The following UTP20 variants were observed in gnomAD, a reference collection of about 807,000 sequenced individuals.
UTP20 encodes small subunit processome component 20 homolog.
In UTP20, 164 loss-of-function variants were observed where a neutral mutation model predicts 329.5. That is an observed-to-expected ratio of 0.50 (90% confidence interval 0.44 to 0.57). The LOEUF (loss-of-function observed/expected upper bound fraction) is 0.57. UTP20 is among the 20% of genes least tolerant of loss of function. The pLI, the probability that UTP20 is intolerant of heterozygous loss-of-function variation, is 0.00. For synonymous variants in UTP20, 1,151 were observed against 1,159.3 expected, an observed-to-expected ratio of 0.99 and a Z score of 0.14; for missense variants, 3,055 against 3,284.2, an observed-to-expected ratio of 0.93 and a Z score of 1.71.
chr12:101,328,924 T>G (rs1021392958), intron 26 of UTP20, among the ~76,000 whole-genome samples: 2 of 151,990 alleles, frequency 1.3e-5, no homozygotes, highest in Non-Finnish European at 2.9e-5. Context: ...TAACTCAGGT[T>G]TTGAGGGATA....
chr12:101,336,872 T>C (rs1265986711), intron 29 of UTP20, among the ~76,000 whole-genome samples: 7 of 152,212 alleles, frequency 4.6e-5, no homozygotes, highest in Admixed American at 4.6e-4. Flanking sequence ...TGGCAGCAAG[T>C]TACGTTGGTC....
chr12:101,350,216 G>C (rs531495898), intron 38 of UTP20, among the ~76,000 whole-genome samples: 1 of 152,228 alleles, frequency 6.6e-6, no homozygotes, highest in East Asian at 1.9e-4. Context: ...TCCCAGGCTG[G>C]AGTGCAGTGG....
At chr12:101,331,467 T>C (rs1389584366) in intron 27 of UTP20, among the ~76,000 whole-genome samples, 3 of 152,256 alleles carry the variant, frequency 2.0e-5, no homozygotes, top group Non-Finnish European at 4.4e-5. Flanking sequence ...CTACATCACC[T>C]TGTGCTTGCT....
In UTP20 at chr12:101,375,724, C is replaced by T. The variant is rs370248060; in HGVS notation, c.7364C>T (p.Thr2455Ile). The change falls in exon 56 of 62, where the codon ACC (threonine) becomes ATC (isoleucine). Residue 2455 changes from threonine to isoleucine, a missense_variant. Around this residue, in one of 3 missense-constraint regions of UTP20, gnomAD observed 273 missense variants for 363.1 expected, o/e 0.75. Transcript: ENST00000261637. ...AAGGAATGTAATATTATTCAGTTTA[C>T]CAAACCCGCTGAGACTTTGAGTAAA... ...LIKECNIIQFTKPAETLSKIW... is the reference protein window; with the variant it reads ...LIKECNIIQFIKPAETLSKIW... The T allele has an allele frequency of 1.4e-5, 22 of 1,594,582 alleles. No homozygotes were observed. The highest frequency in any genetic ancestry group is 1.9e-5 in the Non-Finnish European group (22 of 1,165,678).
Position 101,301,109 on chromosome 12 carries a change from A to G in UTP20, c.1675+1048A>G, listed in dbSNP as rs543364799. On this transcript the variant is annotated intron_variant, in intron 14 of 61. Coordinates refer to ENST00000261637, the MANE Select transcript of UTP20 (RefSeq NM_014503.3). ...AAAAAACATTTTTAGCTTGCAGTCC[A>G]TATAGAAACAGGCTGCTTACCAGAT... Among the ~76,000 whole-genome samples the G allele has an allele frequency of 7.2e-5, 11 of 152,332 alleles. No homozygotes were observed. The East Asian group carries it at 9.6e-4, about 13-fold the overall frequency.
intron 38 of UTP20, among the ~76,000 whole-genome samples, chr12:101,350,702 T>C (rs1055306423): frequency 6.6e-6 from 1 of 152,222 alleles, no homozygotes; most frequent in Non-Finnish European, 1.5e-5. Context: ...ATGCCCTGTG[T>C]AGCATGAGGC....
chr12:101,372,165 C>T (rs908398982), intron 51 of UTP20, among the ~76,000 whole-genome samples: 6 of 152,192 alleles, frequency 3.9e-5, no homozygotes, highest in Admixed American at 6.5e-5. Flanking sequence ...TCAGAAGAAA[C>T]GGTATCCCCA....
intron 22 of UTP20, among the ~76,000 whole-genome samples, chr12:101,317,873 A>G (rs1873026236): frequency 2.0e-5 from 3 of 152,190 alleles, no homozygotes; most frequent in Admixed American, 2.0e-4. Context: ...TAGCTACATA[A>G]TGTTAGATTG....
intron 25 of UTP20, among the ~76,000 whole-genome samples, chr12:101,325,757 G>T (rs11110752): frequency 6.6e-6 from 1 of 152,058 alleles, no homozygotes; most frequent in Non-Finnish European, 1.5e-5. Flanking sequence ...GAACATGAAC[G>T]CAGTGAGCCT....
At chr12:101,316,391 T>C (rs1293906748) in intron 21 of UTP20, among the ~76,000 whole-genome samples, 2 of 152,248 alleles carry the variant, frequency 1.3e-5, no homozygotes, top group Admixed American at 6.5e-5. Context: ...GTGTGGTTAA[T>C]TGAATGTTGT....
Position 101,338,068 on chromosome 12 carries a change from C to T in UTP20, c.3659C>T (p.Ala1220Val). The change falls in exon 30 of 62, where the codon GCT becomes GTT. Residue 1220 changes from alanine to valine, a missense_variant. This residue lies in a region of UTP20 where 2,445 missense variants were observed against 2,575.5 expected (regional missense o/e 0.95). Transcript: ENST00000261637. ...SRNARYFPLL[A>V]KQKPGHPECD... is the part of the protein sequence containing the mutation. ...TCTTCCAGATATTTCCCTTTGCTGGCTAAACAGAAGCCTGGGCACCCAGAA... is the reference window on the plus strand; with the variant it reads ...TCTTCCAGATATTTCCCTTTGCTGGTTAAACAGAAGCCTGGGCACCCAGAA... The T allele has an allele frequency of 6.2e-7, 1 of 1,614,104 alleles. No individual in the cohort carries two copies. The highest frequency in any genetic ancestry group is 1.1e-5 in the South Asian group (1 of 91,078).
rs1414433334 is a variant in UTP20, at chr12:101,352,106, C to A, written c.4936C>A (p.His1646Asn). 6.2e-7 allele frequency: 1 copy of A among 1,614,020 alleles called. No individual in the cohort carries two copies. Among genetic ancestry groups the A allele is most frequent in the Admixed American group, 1.7e-5 (1 of 60,004 alleles). The change falls in exon 39 of 62, where the codon CAT becomes AAT. Residue 1646 changes from histidine (H) to asparagine (N), a missense_variant. Physicochemically the swap from His to Asn is moderately conservative, Grantham distance 68 (BLOSUM62 1). Around this residue, in one of 3 missense-constraint regions of UTP20, gnomAD observed 2,445 missense variants for 2,575.5 expected, o/e 0.95. Transcript: ENST00000261637. ...ATEIIGAICK[H>N]LSWSAYMYYL... ...AGAGATTATTGGAGCCATTTGCAAA[C>A]ATCTCTCTTGGTCAGCGTATATGTA... is the stretch of plus-strand genomic sequence containing the variant.
rs772729936 is a variant in UTP20, at chr12:101,291,754, G to T, written c.904G>T (p.Asp302Tyr). ...TCTTTGTTTGCAGGAATCGCTCTTG[G>T]ATCTACACACAAAAGTAACAAAAAC... ...FFECLQESLL[D>Y]LHTKVTKTNC... Residue 302 changes from aspartate to tyrosine, a missense_variant, in exon 9 of 62, where the codon GAT becomes TAT. Asp to Tyr is a radical substitution (Grantham distance 160). Around this residue, in one of 3 missense-constraint regions of UTP20, gnomAD observed 2,445 missense variants for 2,575.5 expected, o/e 0.95. Transcript: ENST00000261637. 2 of 1,590,342 alleles carry T rather than the reference G, an allele frequency of 1.3e-6. No individual in the cohort carries two copies. The highest frequency in any genetic ancestry group is 8.5e-7 in the Non-Finnish European group (1 of 1,170,488).
chr12:101,345,396 A>G (rs891986559), intron 36 of UTP20, among the ~76,000 whole-genome samples, 158 bp from the exon 37 acceptor site: 3 of 152,212 alleles, frequency 2.0e-5, no homozygotes, highest in Middle Eastern at 3.4e-3. Flanking sequence ...CATGTTGTCC[A>G]GGCTGTCCTC....
In UTP20 at chr12:101,306,702, C is replaced by T. The variant is rs749897356; in HGVS notation, c.1936C>T (p.Arg646Trp). ...AGATGCCTTTTACTTTCTCCAGATTCGGCTTTTGACAATAAGGATCCTAAA... is the reference window on the plus strand; with the variant it reads ...AGATGCCTTTTACTTTCTCCAGATTTGGCTTTTGACAATAAGGATCCTAAA... Reference protein sequence around the residue: ...ANISTGVSKIRLLTIRILNHF... With the variant: ...ANISTGVSKIWLLTIRILNHF... The change falls in exon 17 of 62, where the codon CGG becomes TGG. Residue 646 changes from arginine to tryptophan, a missense_variant. Physicochemically the swap from Arg to Trp is moderately radical, Grantham distance 101. Around this residue, in one of 3 missense-constraint regions of UTP20, gnomAD observed 2,445 missense variants for 2,575.5 expected, o/e 0.95. Transcript: ENST00000261637. 10 of 1,599,828 alleles carry T rather than the reference C, an allele frequency of 6.3e-6. No homozygotes were observed. Among genetic ancestry groups the T allele is most frequent in the Non-Finnish European group, 6.0e-6 (7 of 1,172,908 alleles).
At chr12:101,340,906 A>G (rs7977587) in intron 32 of UTP20, among the ~76,000 whole-genome samples, 34,022 of 140,168 alleles carry the variant, frequency 0.24, 4,253 homozygotes, top group East Asian at 0.37. Flanking sequence ...TTCTCTAACA[A>G]GCCTGGAACC....
chr12:101,306,666 T>C, intron 16 of UTP20, 33 bp from the exon 17 acceptor site: 2 of 1,579,300 alleles, frequency 1.3e-6, no homozygotes, highest in South Asian at 1.2e-5. Flanking sequence ...GGTTAAACTT[T>C]GGAATTTGAA....
intron 27 of UTP20, among the ~76,000 whole-genome samples, chr12:101,331,580 C>T (rs1868763091): frequency 6.6e-6 from 1 of 152,122 alleles, no homozygotes. Context: ...CTAATGACAT[C>T]CTTGTTCATA....
chr12:101,373,263 C>A, intron 52 of UTP20, 138 bp from the exon 53 acceptor site: 1 of 798,912 alleles, frequency 1.3e-6, no homozygotes, highest in South Asian at 1.8e-5. Flanking sequence ...TACATACAAG[C>A]ATTAAAATTA....
Sources: allele counts gnomAD v4.1 joint callset (sites outside exome capture counted in the v4.1 genomes callset), GRCh38; gene constraint gnomAD v4.1.1; regional missense constraint gnomAD v4.1.1; transcripts MANE v1.5; gene names NCBI Gene and HGNC (gene_info 2026-07-23, HGNC 2026-07-21).